AATF: variants seen among roughly 807,000 people sequenced by gnomAD.
The protein encoded by AATF is protein AATF.
In AATF, 48 loss-of-function variants were observed where a neutral mutation model predicts 63.7. That is an observed-to-expected ratio of 0.75 (90% CI 0.60 to 0.96). AATF has a LOEUF of 0.96. Ranked by LOEUF, AATF falls within the 40% of genes least tolerant of loss-of-function variation. The pLI is 0.00. For synonymous variants in AATF, 258 were observed against 247.7 expected (o/e 1.04, Z -0.39); for missense variants, 639 against 685.7 (o/e 0.93, Z 0.76).
chr17:37,039,270 A>G (rs1299417902), intron 11 of AATF, among the ~76,000 whole-genome samples: 1 of 152,206 alleles, frequency 6.6e-6, no homozygotes, highest in African/African-American at 2.4e-5. Context: ...GTTAAAGTAC[A>G]GATGTTTTCT....
chr17:37,049,140 C>A (rs2071723427), intron 11 of AATF, among the ~76,000 whole-genome samples: 1 of 152,194 alleles, frequency 6.6e-6, no homozygotes, highest in Non-Finnish European at 1.5e-5. Context: ...TACCTAAGGT[C>A]CTAGACCCAG....
At chr17:37,000,695 A>G (rs974520564) in intron 8 of AATF, among the ~76,000 whole-genome samples, 10 of 152,198 alleles carry the variant, frequency 6.6e-5, no homozygotes, top group Non-Finnish European at 1.3e-4. Context: ...AGGCAGAGAG[A>G]AAAAGAGATT....
chr17:37,028,272 G>A (rs2071525330), intron 10 of AATF, among the ~76,000 whole-genome samples: 2 of 152,014 alleles, frequency 1.3e-5, no homozygotes, highest in Admixed American at 6.5e-5. Context: ...TTAAAAATTA[G>A]CCAGGCATGG....
chr17:37,039,354 T>C (rs2071618324), intron 11 of AATF, among the ~76,000 whole-genome samples: 1 of 152,212 alleles, frequency 6.6e-6, no homozygotes, highest in South Asian at 2.1e-4. Flanking sequence ...ATATGCAACA[T>C]TGATCTAATC....
At chr17:36,950,464 C>A in intron 2 of AATF, 59 bp downstream of exon 2, 2 of 1,497,840 alleles carry the variant, frequency 1.3e-6, no homozygotes, top group Non-Finnish European at 1.8e-6. Context: ...GGGTTAAAAT[C>A]CTCCGGTCAT....
intron 2 of AATF, among the ~76,000 whole-genome samples, chr17:36,950,837 C>A (rs1009870140): frequency 1.3e-5 from 2 of 152,124 alleles, no homozygotes; most frequent in Non-Finnish European, 2.9e-5. Flanking sequence ...TCCTTATGTT[C>A]GGACTAATGG....
At chr17:37,051,960 G>A (rs908485782) in intron 11 of AATF, among the ~76,000 whole-genome samples, 1 of 152,154 alleles carries the variant, frequency 6.6e-6, no homozygotes, top group African/African-American at 2.4e-5. Context: ...GCAATAAAGG[G>A]TAAGTTAAAT....
chr17:37,024,312 G>C (rs2071495115), intron 10 of AATF, among the ~76,000 whole-genome samples: 1 of 152,232 alleles, frequency 6.6e-6, no homozygotes, highest in African/African-American at 2.4e-5. Context: ...CCCAGTGAAA[G>C]ACAAAGAGAA....
At chr17:36,992,309 TTGG>T (rs760937884) in intron 8 of AATF, among the ~76,000 whole-genome samples, 14 of 152,032 alleles carry the variant, frequency 9.2e-5, no homozygotes, top group Admixed American at 9.2e-4. Context: ...GAAAAAAAGA[TTGG>T]TGTGGCTGCA....
chr17:37,042,483 T>C (rs953127756), intron 11 of AATF, among the ~76,000 whole-genome samples: 1 of 151,662 alleles, frequency 6.6e-6, no homozygotes, highest in Non-Finnish European at 1.5e-5. Context: ...AGCCCAATTA[T>C]AGCTCACTGC....
At chr17:36,966,625 T>A (rs955711294) in intron 4 of AATF, among the ~76,000 whole-genome samples, 2 of 152,180 alleles carry the variant, frequency 1.3e-5, no homozygotes, top group African/African-American at 2.4e-5. Context: ...GATTCCTGAG[T>A]GTTCCTTTTC....
intron 4 of AATF, among the ~76,000 whole-genome samples, chr17:36,985,193 C>T (rs1250798543): frequency 1.3e-5 from 2 of 152,122 alleles, no homozygotes; most frequent in African/African-American, 4.8e-5. Flanking sequence ...TGAGCCACTG[C>T]ACCTGGCCTC....
At chr17:37,031,400 A>G (rs2142301042) in intron 10 of AATF, 1 of 574,990 alleles carries the variant, frequency 1.7e-6, no homozygotes. Context: ...GTATCCATAG[A>G]GAGTCCTGGA....
At chr17:37,031,325 G>C in intron 10 of AATF, 1 of 448,672 alleles carries the variant, frequency 2.2e-6, no homozygotes, top group Non-Finnish European at 4.1e-6. Flanking sequence ...ATGGGAGCAT[G>C]TGTGTAGATT....
intron 4 of AATF, among the ~76,000 whole-genome samples, chr17:36,958,626 G>A (rs2070921362): frequency 1.3e-5 from 2 of 152,128 alleles, no homozygotes; most frequent in Admixed American, 6.5e-5. Context: ...TAGAGAAATA[G>A]CACAGTGAAC....
At chr17:37,056,367 T>C (rs887310489) in intron 11 of AATF, 1 of 524,044 alleles carries the variant, frequency 1.9e-6, no homozygotes. Context: ...TACAGAACAC[T>C]CATTCCCTGG....
At chr17:37,012,184 G>A (rs906972378) in intron 8 of AATF, among the ~76,000 whole-genome samples, 16 of 151,990 alleles carry the variant, frequency 1.1e-4, no homozygotes, top group African/African-American at 3.9e-4. Context: ...CACCCTAGTA[G>A]CTGGGATTAC....
At chr17:37,008,410 CTT>C (rs1260899134) in intron 8 of AATF, among the ~76,000 whole-genome samples, 3 of 152,314 alleles carry the variant, frequency 2.0e-5, no homozygotes, top group South Asian at 4.1e-4. Context: ...AAGTCAGACT[CTT>C]TGGCAGATAG....
At chr17:36,987,640 G>A (rs1055143547) in intron 5 of AATF, among the ~76,000 whole-genome samples, 3 of 152,208 alleles carry the variant, frequency 2.0e-5, no homozygotes, top group Non-Finnish European at 2.9e-5. Flanking sequence ...CAGTAATCCA[G>A]TGAGTGCAAC....
Sources: allele counts gnomAD v4.1 joint callset (sites outside exome capture counted in the v4.1 genomes callset), GRCh38; gene constraint gnomAD v4.1.1; transcripts MANE v1.5; gene names NCBI Gene and HGNC (gene_info 2026-07-23, HGNC 2026-07-21).